Variants in FSIP2 observed in about 807,000 individuals in gnomAD.
The protein encoded by FSIP2 is fibrous sheath interacting protein 2.
In FSIP2, 367 loss-of-function variants were observed where a neutral mutation model predicts 510.5. That is an observed-to-expected ratio of 0.72 (90% CI 0.66 to 0.78). FSIP2 has a LOEUF of 0.78. Ranked by LOEUF, FSIP2 falls within the 30% of genes least tolerant of loss-of-function variation. The probability of loss-of-function intolerance (pLI) is 0.00; values close to 1 mark genes in which losing one functional copy is unlikely to be tolerated. For missense variants in FSIP2, 7,594 were observed against 7,901.7 expected, an observed-to-expected ratio of 0.96 and a Z score of 1.48; for synonymous variants, 2,601 against 2,732.2, an observed-to-expected ratio of 0.95 and a Z score of 1.50.
At chr2:185,773,283 T>C (rs10931195) in intron 13 of FSIP2, among the ~76,000 whole-genome samples, 147,745 of 152,268 alleles carry the variant, frequency 0.97, 71,758 homozygotes, top group Middle Eastern at 1. Flanking sequence ...GAATTCTTGG[T>C]CAGCACTATT....
At chr2:185,762,874 A>G (rs1262831633) in intron 11 of FSIP2, among the ~76,000 whole-genome samples, 1 of 151,540 alleles carries the variant, frequency 6.6e-6, no homozygotes, top group East Asian at 1.9e-4. Flanking sequence ...CTCAAATGCA[A>G]AAAGTTAATT....
intron 9 of FSIP2, among the ~76,000 whole-genome samples, chr2:185,757,955 C>CT (rs1270307748): frequency 2.6e-5 from 4 of 151,086 alleles, no homozygotes; most frequent in Non-Finnish European, 4.4e-5. Context: ...ACCCTCCTTC[C>CT]TCCAACTAAT....
rs1269448192 is a variant in FSIP2, at chr2:185,753,755, C to T, written c.904C>T (p.His302Tyr). The T allele has an allele frequency of 7.3e-7, 1 of 1,364,670 alleles. No homozygotes were observed. The highest frequency in any genetic ancestry group is 9.9e-7 in the Non-Finnish European group (1 of 1,009,476). 84.5% of individuals were successfully genotyped at this position (1,364,670 alleles called of 1,614,324 possible). ...TCTTCTAGAGAAAAAAATGGCTTAT[C>T]ATTTACAAAAAATGCAAGATACTGG... ...QDLLEKKMAY[H>Y]LQKMQDTGFN... Residue 302 changes from histidine (H) to tyrosine (Y), a missense_variant, in exon 8 of 23, where the codon CAT becomes TAT. Coordinates refer to ENST00000424728, the MANE Select transcript of FSIP2 (RefSeq NM_173651.4).
rs1287480667 is a variant in FSIP2 at position 185,797,001 on chromosome 2, T to G, written c.9865T>G (p.Leu3289Val). Residue 3289 changes from leucine (L) to valine (V), a missense_variant, in exon 16 of 23, where the codon TTG (leucine) becomes GTG (valine). By Grantham distance (32) the Leu-to-Val change is conservative. Transcript: ENST00000424728. The part of the protein sequence containing the change: ...DSTEAALKQV[L>V]SFIEMGKGEN... ...CACAGAAGCAGCATTAAAGCAAGTCTTGTCATTCATAGAAATGGGAAAAGG... is the reference window on the plus strand; with the variant it reads ...CACAGAAGCAGCATTAAAGCAAGTCGTGTCATTCATAGAAATGGGAAAAGG... 3 of 1,535,202 alleles carry G rather than the reference T, an allele frequency of 2.0e-6. No homozygotes were observed. The Admixed American group carries it at 5.9e-5, about 30-fold the overall frequency.
In FSIP2 at chr2:185,795,373, T is replaced by A; in HGVS notation, c.8237T>A (p.Ile2746Asn). 2.0e-6 allele frequency: 3 copies of A among 1,534,740 alleles called. No individual in the cohort carries two copies. The highest frequency in any genetic ancestry group is 1.4e-5 in the African/African-American group (1 of 72,976). The change falls in exon 16 of 23, where the codon ATC (isoleucine) becomes AAC (asparagine). Residue 2746 changes from isoleucine to asparagine, a missense_variant. Coordinates refer to ENST00000424728, the MANE Select transcript of FSIP2 (RefSeq NM_173651.4). ...TATGCCAAGGATATAATAATTAACA[T>A]CCTAGAAACAATTGTGAAGGAATTT... The part of the protein sequence containing the change: ...KIYAKDIIIN[I>N]LETIVKEFGK...
At chr2:185,768,977 C>G (rs1692552824) in intron 13 of FSIP2, among the ~76,000 whole-genome samples, 1 of 152,170 alleles carries the variant, frequency 6.6e-6, no homozygotes, top group Non-Finnish European at 1.5e-5. Context: ...TTTTCCATGG[C>G]TGCATAGTAT....
chr2:185,807,953 T>C lies in FSIP2; in HGVS notation c.18647T>C (p.Val6216Ala). 3 of 1,608,096 alleles carry C rather than the reference T, an allele frequency of 1.9e-6. No individual in the cohort carries two copies. The highest frequency in any genetic ancestry group is 2.5e-6 in the Non-Finnish European group (3 of 1,177,596). Residue 6216 changes from valine (V) to alanine (A), a missense_variant, in exon 17 of 23, where the codon GTA (valine) becomes GCA (alanine). Val to Ala is a moderately conservative substitution (Grantham distance 64, BLOSUM62 0). Transcript: ENST00000424728. ...GATATGCAAAAAATAACTTCAAAAGTACTAAATTCAGTCCAAGAATTTATC... is the reference window on the plus strand; with the variant it reads ...GATATGCAAAAAATAACTTCAAAAGCACTAAATTCAGTCCAAGAATTTATC... The part of the protein sequence containing the change: ...ETDMQKITSK[V>A]LNSVQEFISK...
At position 185,800,473 on chromosome 2, in the gene FSIP2, C is replaced by A. The variant is rs1370951376; in HGVS notation, c.11167C>A (p.Gln3723Lys). The A allele has an allele frequency of 6.5e-7, 1 of 1,532,888 alleles. No individual in the cohort carries two copies. Among genetic ancestry groups the A allele is most frequent in the Non-Finnish European group, 8.7e-7 (1 of 1,144,980 alleles). The allele number at this position is 1,532,888 out of a possible 1,614,324, so 95.0% of individuals were successfully genotyped here. The change falls in exon 17 of 23, where the codon CAA becomes AAA. Residue 3723 changes from glutamine (Q) to lysine (K), a missense_variant. Gln to Lys is a moderately conservative substitution (Grantham distance 53, BLOSUM62 1). Coordinates refer to ENST00000424728, the MANE Select transcript of FSIP2 (RefSeq NM_173651.4). ...LDTGMDSGKI[Q>K]RTYFYSSNNE... The stretch of plus-strand genomic sequence containing the variant: ...TACGGGTATGGATTCTGGTAAAATA[C>A]AAAGAACATATTTCTACTCCTCGAA...
At position 185,738,881 on chromosome 2, in the gene FSIP2, G is replaced by T; in HGVS notation, c.-14G>T. On this transcript the variant is annotated 5_prime_UTR_variant, in exon 1 of 23. Transcript: ENST00000424728. ...GGGGCGGGTGAGGAAGGGGCTGAGG[G>T]GGCTGTGCCGGCCATGGAGCTGTAC... 1 of 1,535,538 alleles carries T rather than the reference G, an allele frequency of 6.5e-7. No homozygotes were observed. Among genetic ancestry groups the T allele is most frequent in the Middle Eastern group, 1.7e-4 (1 of 5,886 alleles).
At chr2:185,815,509 A>G (rs1333962864) in intron 19 of FSIP2, 38 bp downstream of exon 19, 1 of 986,858 alleles carries the variant, frequency 1.0e-6, no homozygotes, top group South Asian at 1.6e-5. Flanking sequence ...TAGAAATCTG[A>G]TAAAGTAGAG....
chr2:185,767,935 G>A (rs1692527565), intron 13 of FSIP2, among the ~76,000 whole-genome samples: 1 of 152,046 alleles, frequency 6.6e-6, no homozygotes, highest in African/African-American at 2.4e-5. Context: ...AATTGTTGAG[G>A]AACCTTCATA....
At chr2:185,739,986 A>G (rs931533200) in intron 2 of FSIP2, among the ~76,000 whole-genome samples, 1 of 152,188 alleles carries the variant, frequency 6.6e-6, no homozygotes, top group Non-Finnish European at 1.5e-5. Context: ...CTTTAACCTT[A>G]CTTTAATGAA....
At chr2:185,775,787 C>G (rs1005366177) in intron 13 of FSIP2, among the ~76,000 whole-genome samples, 140 of 152,236 alleles carry the variant, frequency 9.2e-4, no homozygotes, top group African/African-American at 3.3e-3. Flanking sequence ...CCTCAGCCTC[C>G]CGAGTAGCTG....
At chr2:185,784,642 T>A (rs1559023120) in intron 14 of FSIP2, among the ~76,000 whole-genome samples, 1 of 152,098 alleles carries the variant, frequency 6.6e-6, no homozygotes, top group Non-Finnish European at 1.5e-5. Flanking sequence ...AAGATAAAAC[T>A]ATGTTGCTAT....
At chr2:185,772,039 G>C (rs1476237215) in intron 13 of FSIP2, among the ~76,000 whole-genome samples, 1 of 152,208 alleles carries the variant, frequency 6.6e-6, no homozygotes, top group East Asian at 1.9e-4. Context: ...ACACAATGCA[G>C]TCAAGCTCTT....
intron 16 of FSIP2, among the ~76,000 whole-genome samples, chr2:185,798,712 C>T (rs1364730644): frequency 6.6e-6 from 1 of 151,798 alleles, no homozygotes; most frequent in Non-Finnish European, 1.5e-5. Flanking sequence ...AGACTTACTC[C>T]AGGCATGACT....
At position 185,808,475 on chromosome 2, in the gene FSIP2, C is replaced by T. The variant is rs762007723; in HGVS notation, c.19169C>T (p.Thr6390Ile). 1.9e-6 allele frequency: 3 copies of T among 1,607,302 alleles called. No individual in the cohort carries two copies. The highest frequency in any genetic ancestry group is 2.2e-5 in the East Asian group (1 of 44,658). ...GCATCTCAACTGTCAAAATTGGTAA[C>T]AGCTGAAATTTCCAGAAGTAGCATT... ...KIASQLSKLV[T>I]AEISRSSISL... Residue 6390 changes from threonine (T) to isoleucine (I), a missense_variant, in exon 17 of 23, where the codon ACA (threonine) becomes ATA (isoleucine). By Grantham distance (89) the Thr-to-Ile change is moderately conservative (BLOSUM62 -1). Transcript: ENST00000424728.
At chr2:185,785,555 A>G (rs958100423) in intron 14 of FSIP2, among the ~76,000 whole-genome samples, 2 of 148,640 alleles carry the variant, frequency 1.3e-5, no homozygotes, top group African/African-American at 4.9e-5. Flanking sequence ...ATCAGACTTC[A>G]GTTTTAGATT....
At position 185,802,817 on chromosome 2, in the gene FSIP2, A is replaced by G. The variant is rs1306589147; in HGVS notation, c.13511A>G (p.Asp4504Gly). ...QKDISRVNFN[D>G]IASNLVSDIR... is the part of the protein sequence containing the mutation. Reference sequence around the variant, plus strand: ...GATATATCAAGAGTGAATTTCAATGACATTGCTTCAAACCTAGTTAGTGAT... The same window carrying G: ...GATATATCAAGAGTGAATTTCAATGGCATTGCTTCAAACCTAGTTAGTGAT... The change falls in exon 17 of 23, where the codon GAC becomes GGC. Residue 4504 changes from aspartate to glycine, a missense_variant. Asp to Gly is a moderately conservative substitution (Grantham distance 94). Transcript: ENST00000424728. 1.1e-5 allele frequency: 17 copies of G among 1,520,770 alleles called. No individual in the cohort carries two copies. In the Admixed American group the frequency reaches 3.1e-4, roughly 28 times the overall value. The allele number at this position is 1,520,770 out of a possible 1,614,324, so 94.2% of individuals were successfully genotyped here. A position where few individuals can be genotyped will look rare whatever the true frequency, so the allele number is the denominator to read the frequency against.
Sources: gnomAD v4.1 joint callset for allele counts (sites outside exome capture counted in the v4.1 genomes callset) on GRCh38, gnomAD v4.1.1 for gene constraint, MANE v1.5 for transcripts, NCBI Gene and HGNC (gene_info 2026-07-23, HGNC 2026-07-21) for gene names.